The following GPM6B variants were observed in gnomAD, a reference collection of about 807,000 sequenced individuals.
GPM6B encodes the protein glycoprotein M6B, also known as neuronal membrane glycoprotein M6-b.
In GPM6B, 4 loss-of-function variants were observed where a neutral mutation model predicts 27.2. That is an observed-to-expected ratio of 0.15 (90% confidence interval 0.07 to 0.34). The LOEUF (loss-of-function observed/expected upper bound fraction) is 0.34. Ranked by LOEUF, GPM6B falls within the 10% of genes least tolerant of loss-of-function variation. GPM6B has a pLI of 1.00. For missense variants in GPM6B, 183 were observed against 261.9 expected, an observed-to-expected ratio of 0.70 and a Z score of 2.08; for synonymous variants, 124 against 103.1, an observed-to-expected ratio of 1.20 and a Z score of -1.23.
chrX:13,805,991 GCTT>G (rs1389903908), intron 2 of GPM6B, among the ~76,000 whole-genome samples: 1 of 109,812 alleles, frequency 9.1e-6, no homozygotes, highest in Non-Finnish European at 1.9e-5. Context: ...TTTTTTTGCT[GCTT>G]TTTTTTTCAA....
chrX:13,878,945 T>TC (rs2050067510), intron 1 of GPM6B, among the ~76,000 whole-genome samples: 1 of 112,010 alleles, frequency 8.9e-6, no homozygotes, highest in South Asian at 3.7e-4. Context: ...AAATGGATTC[T>TC]CCCCTAGGGC....
chrX:13,808,209 T>C (rs16979237), intron 1 of GPM6B, among the ~76,000 whole-genome samples: 8,793 of 112,388 alleles, frequency 0.078, 557 homozygotes, highest in African/African-American at 0.2. Context: ...CCAGAAAACC[T>C]GGCAAACAAC....
At chrX:13,866,485 A>C (rs1364727385) in intron 1 of GPM6B, among the ~76,000 whole-genome samples, 2 of 112,127 alleles carry the variant, frequency 1.8e-5, no homozygotes, top group Non-Finnish European at 3.8e-5. Context: ...AAAAGCTAGA[A>C]GACAGGAATT....
chrX:13,873,153 ATT>A (rs5901521), intron 1 of GPM6B, among the ~76,000 whole-genome samples: 22,002 of 102,585 alleles, frequency 0.21, 1,936 homozygotes, highest in East Asian at 0.62. Context: ...AGCGTAAGGA[ATT>A]TTTTTTTTTT....
intron 2 of GPM6B, among the ~76,000 whole-genome samples, chrX:13,794,780 G>A (rs895903174): frequency 2.7e-5 from 3 of 111,200 alleles, no homozygotes; most frequent in Admixed American, 9.6e-5. Flanking sequence ...TGTGCCTTTC[G>A]AACAGTTTGT....
At chrX:13,855,603 T>C (rs1202647849) in intron 1 of GPM6B, among the ~76,000 whole-genome samples, 1 of 112,245 alleles carries the variant, frequency 8.9e-6, no homozygotes, top group Non-Finnish European at 1.9e-5. Context: ...TTCTAAATGC[T>C]AGCAAAAAAT....
rs1602987984 is a variant in GPM6B, at chrX:13,785,687, G to A, written c.303C>T (p.Gly101=). 1 of 1,211,506 alleles carries A rather than the reference G, an allele frequency of 8.3e-7. No homozygotes were observed. The highest frequency in any genetic ancestry group is 3.0e-5 in the East Asian group (1 of 33,851). ...FCGCGHVALA[G]TVAILEQHFS... ...AGTGTTGCTCAAGAATCGCCACGGTGCCTGCGAGAGCCACATGCCCACAGC... is the reference window on the plus strand; with the variant it reads ...AGTGTTGCTCAAGAATCGCCACGGTACCTGCGAGAGCCACATGCCCACAGC... Residue 101 remains glycine, a synonymous_variant, in exon 3 of 8, where the codon GGC becomes GGT. Transcript: ENST00000316715.
intron 1 of GPM6B, among the ~76,000 whole-genome samples, chrX:13,809,974 C>T (rs182135063): frequency 0.012 from 1,264 of 101,367 alleles, 23 homozygotes; most frequent in African/African-American, 0.044. Flanking sequence ...AAAAATTAGC[C>T]GGGCATGGTG....
At chrX:13,912,276 C>T (rs996523923) in intron 1 of GPM6B, among the ~76,000 whole-genome samples, 1 of 112,182 alleles carries the variant, frequency 8.9e-6, no homozygotes, top group Non-Finnish European at 1.9e-5. Context: ...AGTTTCTCTA[C>T]GGATGTATAT....
intron 2 of GPM6B, among the ~76,000 whole-genome samples, chrX:13,789,190 A>C (rs1267018957): frequency 8.9e-6 from 1 of 111,810 alleles, no homozygotes; most frequent in Non-Finnish European, 1.9e-5. Flanking sequence ...CAGGGTTAAG[A>C]TTGCATGTGT....
intron 1 of GPM6B, among the ~76,000 whole-genome samples, chrX:13,894,645 C>T (rs190304573): frequency 8.9e-6 from 1 of 112,197 alleles, no homozygotes; most frequent in East Asian, 2.8e-4. Context: ...CATTTGCTAC[C>T]GATTATTTAC....
At chrX:13,869,662 T>C (rs1333482430) in intron 1 of GPM6B, among the ~76,000 whole-genome samples, 1 of 111,686 alleles carries the variant, frequency 9.0e-6, no homozygotes, top group Non-Finnish European at 1.9e-5. Context: ...TCAATTATCT[T>C]CCATTCATTT....
upstream of GPM6B, chrX:13,817,294 A>G: frequency 1.3e-6 from 1 of 773,112 alleles, no homozygotes; most frequent in Non-Finnish European, 1.5e-6. Context: ...TTAAGATCTC[A>G]ATCTCGATCT....
At chrX:13,912,702 G>A in intron 1 of GPM6B, among the ~76,000 whole-genome samples, 1 of 112,337 alleles carries the variant, frequency 8.9e-6, no homozygotes, top group Non-Finnish European at 1.9e-5. Flanking sequence ...CTTAGCTTAG[G>A]GAGGGCAGGA....
chrX:13,844,642 A>G (rs1307051720), intron 1 of GPM6B, among the ~76,000 whole-genome samples: 1 of 111,941 alleles, frequency 8.9e-6, no homozygotes. Context: ...TATGTGGAGA[A>G]TATCATTCTC....
At chrX:13,895,910 C>T (rs1334558482) in intron 1 of GPM6B, among the ~76,000 whole-genome samples, 1 of 107,868 alleles carries the variant, frequency 9.3e-6, no homozygotes, top group African/African-American at 3.4e-5. Flanking sequence ...TTGCGAGGCC[C>T]AGATGGGAGG....
intron 1 of GPM6B, among the ~76,000 whole-genome samples, chrX:13,842,716 CAAAAAATTTTTTAAAAGAA>C (rs772682653): frequency 1.0e-4 from 11 of 109,844 alleles, no homozygotes; most frequent in South Asian, 4.0e-4. Context: ...CCCATGTCTA[CAAAAAATTTTTTAAAAGAA>C]AAAAAATTTT....
chrX:13,790,226 T>C (rs1569200158), intron 2 of GPM6B, among the ~76,000 whole-genome samples: 2 of 111,869 alleles, frequency 1.8e-5, no homozygotes, highest in Admixed American at 9.4e-5. Flanking sequence ...TGTGAAGGGA[T>C]ATATGGATCT....
intron 1 of GPM6B, among the ~76,000 whole-genome samples, chrX:13,852,893 G>A (rs5979989): frequency 0.039 from 4,193 of 107,366 alleles, 231 homozygotes; most frequent in African/African-American, 0.13. Context: ...TGATCCTCCC[G>A]CCTCAGCCTC....
Sources: allele counts gnomAD v4.1 joint callset (sites outside exome capture counted in the v4.1 genomes callset), GRCh38; gene constraint gnomAD v4.1.1; transcripts MANE v1.5; gene names NCBI Gene and HGNC (gene_info 2026-07-23, HGNC 2026-07-21).